EIF2AK1: variants seen among roughly 807,000 people sequenced by gnomAD.
EIF2AK1 encodes the protein eukaryotic translation initiation factor 2 alpha kinase 1.
Under a neutral mutation model 77.9 loss-of-function variants are expected in EIF2AK1, and 54 were observed. The observed-to-expected ratio is 0.69, with a 90% confidence interval of 0.56 to 0.87. EIF2AK1 has a LOEUF of 0.87. Among genes scored for constraint, EIF2AK1 ranks in the 40% least tolerant of loss-of-function variants. EIF2AK1 has a pLI of 0.00. For missense variants in EIF2AK1, 810 were observed against 768.6 expected (o/e 1.05, Z -0.64); for synonymous variants, 314 against 290.5 (o/e 1.08, Z -0.82).
chr7:6,026,085 A>T (rs992144750), intron 14 of EIF2AK1, among the ~76,000 whole-genome samples: 2 of 151,964 alleles, frequency 1.3e-5, no homozygotes, highest in African/African-American at 2.4e-5. Context: ...CGGTGGTCCA[A>T]TGACTGTGTA....
At position 6,036,049 on chromosome 7, in the gene EIF2AK1, T is replaced by C. The variant is rs1038515603; in HGVS notation, c.1332+1375A>G. On this transcript the variant is annotated intron_variant, in intron 11 of 14. Transcript: ENST00000199389. The surrounding 1 kb of genome is among the most constrained non-coding windows in gnomAD (Gnocchi z 4.6). ...GAATTTGAAGCAAATGTTAACATTT[T>C]AACAAGAAACGGGGAATCTCCAATT... is the stretch of plus-strand genomic sequence containing the variant. 38 of 1,550,948 alleles carry C rather than the reference T, an allele frequency of 2.5e-5. No homozygotes were observed. Among genetic ancestry groups the C allele is most frequent in the Non-Finnish European group, 3.3e-5 (38 of 1,147,136 alleles).
chr7:6,037,746 G>A (rs949491806), intron 10 of EIF2AK1, among the ~76,000 whole-genome samples: 3 of 151,808 alleles, frequency 2.0e-5, no homozygotes, highest in Non-Finnish European at 4.4e-5. Flanking sequence ...AACAGTTGAT[G>A]GACTTTGTCA....
chr7:6,037,333 A>G (rs1457474610), intron 11 of EIF2AK1, 91 bp downstream of exon 11: 5 of 799,248 alleles, frequency 6.3e-6, no homozygotes, highest in Admixed American at 2.0e-5. Flanking sequence ...GAACTAGGAC[A>G]TGTAATCTTA....
chr7:6,024,441 G>A lies in EIF2AK1; in HGVS notation c.*232C>T. Reference sequence around the variant, plus strand: ...GAAAGGAGAAAATAATTGAGGATGAGGTCCAAGTTTTTAGTTTCAGAGACT... The same window carrying A: ...GAAAGGAGAAAATAATTGAGGATGAAGTCCAAGTTTTTAGTTTCAGAGACT... On this transcript the variant is annotated 3_prime_UTR_variant, in exon 15 of 15. Coordinates refer to ENST00000199389, the MANE Select transcript of EIF2AK1 (RefSeq NM_014413.4). 7.2e-7 allele frequency: 1 copy of A among 1,384,896 alleles called. No homozygotes were observed. The highest frequency in any genetic ancestry group is 1.6e-5 in the South Asian group (1 of 62,754). 85.8% of individuals were successfully genotyped at this position (1,384,896 alleles called of 1,614,324 possible). A position where few individuals can be genotyped will look rare whatever the true frequency, so the allele number is the denominator to read the frequency against.
At chr7:6,037,694 G>C (rs767911998) in intron 10 of EIF2AK1, among the ~76,000 whole-genome samples, 170 bp from the exon 11 acceptor site, 5 of 151,896 alleles carry the variant, frequency 3.3e-5, no homozygotes, top group Non-Finnish European at 7.4e-5. Flanking sequence ...TAAGCAGGAA[G>C]GCTTCCTCAG....
chr7:6,024,379 C>T lies in EIF2AK1; in HGVS notation c.*294G>A. On this transcript the variant is annotated 3_prime_UTR_variant, in exon 15 of 15. Transcript: ENST00000199389. ...GAGCACACATCAATTTCTGCGGTAC[C>T]TTCTAGAGGAAGACCAGACAGAGGG... 4 of 1,087,656 alleles carry T rather than the reference C, an allele frequency of 3.7e-6. No homozygotes were observed. Among genetic ancestry groups the T allele is most frequent in the Non-Finnish European group, 4.6e-6 (4 of 872,646 alleles). 67.4% of individuals were successfully genotyped at this position (1,087,656 alleles called of 1,614,324 possible).
In EIF2AK1 at chr7:6,027,796, A is replaced by G. The variant is rs1787792019; in HGVS notation, c.1530+819T>C. The stretch of plus-strand genomic sequence containing the variant: ...CAAAATCGATTTAGGCCAGGCGCAG[A>G]GGTTCATGCCTTAATCCCAGCACTT... On this transcript the variant is annotated intron_variant, in intron 13 of 14. Transcript: ENST00000199389. This position sits in a 1 kb window ranked among gnomAD's most constrained non-coding sequence, Gnocchi z 4.5. The G allele has an allele frequency of 3.6e-6, 1 of 280,656 alleles. No homozygotes were observed. Among genetic ancestry groups the G allele is most frequent in the Non-Finnish European group, 7.1e-6 (1 of 139,946 alleles). The allele number at this position is 280,656 out of a possible 1,614,324, so 17.4% of individuals were successfully genotyped here.
chr7:6,055,544 A>C (rs1268371154), intron 1 of EIF2AK1, among the ~76,000 whole-genome samples: 1 of 152,006 alleles, frequency 6.6e-6, no homozygotes, highest in Non-Finnish European at 1.5e-5. Context: ...CCAGTGAACA[A>C]GGCAGATCAG....
intron 3 of EIF2AK1, among the ~76,000 whole-genome samples, chr7:6,049,422 GGTC>G (rs1184681015): frequency 6.6e-6 from 1 of 151,980 alleles, no homozygotes; most frequent in African/African-American, 2.4e-5. Flanking sequence ...AGGTGCCTGT[GGTC>G]CCAGCTACTT....
Position 6,031,397 on chromosome 7 carries a change from G to A in EIF2AK1, c.1333-2365C>T, listed in dbSNP as rs190465246. 7,672 of 1,550,692 alleles carry A rather than the reference G, an allele frequency of 4.9e-3. 40 individuals are homozygous for A. Among genetic ancestry groups the A allele is most frequent in the South Asian group, 8.2e-3 (688 of 84,058 alleles). ...TCTCATGGGGAATATAACCAGGAAAGGAAGCAGAGACCTGGTGGTTGACAG... is the reference window on the plus strand; with the variant it reads ...TCTCATGGGGAATATAACCAGGAAAAGAAGCAGAGACCTGGTGGTTGACAG... On this transcript the variant is annotated intron_variant, in intron 11 of 14. Transcript: ENST00000199389.
chr7:6,049,668 T>A, intron 3 of EIF2AK1: 2 of 287,704 alleles, frequency 7.0e-6, no homozygotes, highest in Non-Finnish European at 6.3e-6. Context: ...ACTCTGCTGC[T>A]CAGGCTGGAG....
rs1787975472 is a variant in EIF2AK1, at chr7:6,033,480, T to C, written c.1332+3944A>G. ...CACATTCTGAGGATTAAGAGCTCAA[T>C]GGTGGTGTTGTGAGGAATGCAGTAA... On this transcript the variant is annotated intron_variant, in intron 11 of 14. Coordinates refer to ENST00000199389, the MANE Select transcript of EIF2AK1 (RefSeq NM_014413.4). The surrounding 1 kb of genome is among the most constrained non-coding windows in gnomAD (Gnocchi z 4.4). Among the ~76,000 whole-genome samples the C allele has an allele frequency of 6.6e-6, 1 of 152,220 alleles. No individual in the cohort carries two copies. The highest frequency in any genetic ancestry group is 1.5e-5 in the Non-Finnish European group (1 of 68,036).
At position 6,029,006 on chromosome 7, in the gene EIF2AK1, AG is replaced by A; in HGVS notation, c.1358del (p.Pro453LeufsTer5). On this transcript the variant is annotated frameshift_variant, in exon 12 of 15. Coordinates refer to ENST00000199389, the MANE Select transcript of EIF2AK1 (RefSeq NM_014413.4). LOFTEE classifies it high-confidence loss of function. Reference protein sequence around the residue: ...LKPRNIFLHGPDQQVKIGDFG... With the variant: ...LKPRNIFLHGXDQQVKIGDFG... ...AGTCTCCTATTTTTACTTGCTGATC[AG>A]GGCCATGAAGAAAAATATTTCTTGG... 1 of 1,611,176 alleles carries A rather than the reference AG, an allele frequency of 6.2e-7. No homozygotes were observed. Among genetic ancestry groups the A allele is most frequent in the Non-Finnish European group, 8.5e-7 (1 of 1,179,460 alleles).
rs188899151 is a variant in EIF2AK1, at chr7:6,031,606, G to T, written c.1333-2574C>A. On this transcript the variant is annotated intron_variant, in intron 11 of 14. Coordinates refer to ENST00000199389, the MANE Select transcript of EIF2AK1 (RefSeq NM_014413.4). Reference sequence around the variant, plus strand: ...TTCTGACCCAGGTACCCTCTTTTCTGCTCAGTCACTTCTGGAAAAAAGTCA... The same window carrying T: ...TTCTGACCCAGGTACCCTCTTTTCTTCTCAGTCACTTCTGGAAAAAAGTCA... 1.0e-3 allele frequency: 1,620 copies of T among 1,549,908 alleles called. 7 individuals are homozygous for T. The highest frequency in any genetic ancestry group is 1.1e-3 in the Non-Finnish European group (1,222 of 1,146,336).
In EIF2AK1 at chr7:6,038,622, G is replaced by A. The variant is rs1251971247; in HGVS notation, c.1169C>T (p.Ser390Leu). The change falls in exon 10 of 15, where the codon TCG (serine) becomes TTG (leucine). Residue 390 changes from serine (S) to leucine (L), a missense_variant. Around this residue, in one of 3 missense-constraint regions of EIF2AK1, gnomAD observed 549 missense variants for 533.7 expected, o/e 1.03. Transcript: ENST00000199389. ...LHIQMQLCEL[S>L]LWDWIVERNK... ...TCTCTCGACTATCCAATCCCACAGCGAGAGCTCACACAGCTGCATCTGGAT... is the reference window on the plus strand; with the variant it reads ...TCTCTCGACTATCCAATCCCACAGCAAGAGCTCACACAGCTGCATCTGGAT... The A allele has an allele frequency of 6.8e-6, 11 of 1,613,034 alleles. No homozygotes were observed. Among genetic ancestry groups the A allele is most frequent in the East Asian group, 2.2e-5 (1 of 44,802 alleles).
At chr7:6,044,310 CA>C (rs940624827) in intron 7 of EIF2AK1, among the ~76,000 whole-genome samples, 21 of 143,294 alleles carry the variant, frequency 1.5e-4, no homozygotes, top group Admixed American at 8.4e-4. Context: ...TAAAAAATAC[CA>C]AAAAAAAAAG....
At chr7:6,044,443 A>G in intron 7 of EIF2AK1, 119 bp downstream of exon 7, 1 of 804,630 alleles carries the variant, frequency 1.2e-6, no homozygotes, top group Non-Finnish European at 1.9e-6. Flanking sequence ...GTCTCAAAAA[A>G]AAATATGTAA....
intron 13 of EIF2AK1, 148 bp downstream of exon 13, chr7:6,028,467 G>A: frequency 4.5e-6 from 3 of 667,690 alleles, no homozygotes; most frequent in Admixed American, 4.6e-5. Flanking sequence ...GACCAGGCTG[G>A]TCTTGAACTC....
chr7:6,056,613 A>AATATATATATATATATATATATATAT (rs71008353), intron 1 of EIF2AK1, among the ~76,000 whole-genome samples: 24 of 43,714 alleles, frequency 5.5e-4, no homozygotes, highest in East Asian at 1.3e-3. Context: ...AAAAAAAAAA[A>AATATATATATATATATATATATATAT]ATATATATAT....
Sources: allele counts gnomAD v4.1 joint callset (sites outside exome capture counted in the v4.1 genomes callset), GRCh38; gene constraint gnomAD v4.1.1; regional missense constraint gnomAD v4.1.1; non-coding constraint Gnocchi (gnomAD v3.1); transcripts MANE v1.5; gene names NCBI Gene and HGNC (gene_info 2026-07-23, HGNC 2026-07-21).